PDE4D: variants seen among roughly 807,000 people sequenced by gnomAD.
PDE4D encodes the protein 3',5'-cyclic-AMP phosphodiesterase 4D.
PDE4D carries 24 observed loss-of-function variants against 87.4 expected under a neutral mutation model. That is an observed-to-expected ratio of 0.27 (90% confidence interval 0.20 to 0.39). PDE4D has a LOEUF of 0.39. PDE4D is among the 10% of genes least tolerant of loss of function. The pLI, the probability that PDE4D is intolerant of heterozygous loss-of-function variation, is 1.00. For synonymous variants in PDE4D, 384 were observed against 383.2 expected, an observed-to-expected ratio of 1.00 and a Z score of -0.02; for missense variants, 714 against 1,041.0, an observed-to-expected ratio of 0.69 and a Z score of 4.32.
At chr5:59,377,848 C>T (rs905016184) in intron 1 of PDE4D, among the ~76,000 whole-genome samples, 1 of 151,936 alleles carries the variant, frequency 6.6e-6, no homozygotes. Flanking sequence ...TAAATTAGTT[C>T]AACAATTGTA....
intron 1 of PDE4D, among the ~76,000 whole-genome samples, chr5:59,454,292 C>T (rs2153642211): frequency 6.6e-6 from 1 of 152,330 alleles, no homozygotes; most frequent in Non-Finnish European, 1.5e-5. Context: ...CCACAATTCC[C>T]ACATGTCGTG....
intron 1 of PDE4D, among the ~76,000 whole-genome samples, chr5:60,513,584 T>C (rs1231383699): frequency 2.0e-5 from 3 of 151,976 alleles, no homozygotes; most frequent in African/African-American, 7.2e-5. Context: ...CTTCAACATA[T>C]ATAGAACACA....
At chr5:60,309,208 C>T (rs762856821) in intron 1 of PDE4D, among the ~76,000 whole-genome samples, 4 of 151,612 alleles carry the variant, frequency 2.6e-5, no homozygotes, top group Non-Finnish European at 5.9e-5. Context: ...GAAAGACAGT[C>T]TGGGGACAGG....
intron 1 of PDE4D, among the ~76,000 whole-genome samples, chr5:59,788,617 G>A (rs1232359036): frequency 6.6e-6 from 1 of 152,236 alleles, no homozygotes; most frequent in East Asian, 1.9e-4. Context: ...GCCTTGGGGA[G>A]TCCAGAGAGC....
intron 1 of PDE4D, among the ~76,000 whole-genome samples, chr5:59,406,670 G>A (rs896787663): frequency 3.3e-5 from 5 of 152,104 alleles, no homozygotes; most frequent in African/African-American, 1.2e-4. Context: ...TTACAGGTGT[G>A]AGCCATTGTG....
intron 1 of PDE4D, among the ~76,000 whole-genome samples, chr5:59,420,895 G>T (rs960711165): frequency 6.6e-6 from 1 of 152,022 alleles, no homozygotes; most frequent in Admixed American, 6.6e-5. Flanking sequence ...GGGTAGCAGG[G>T]GGCAGGAGGG....
chr5:59,531,296 C>T (rs546025539), intron 1 of PDE4D, among the ~76,000 whole-genome samples: 1 of 152,302 alleles, frequency 6.6e-6, no homozygotes, highest in East Asian at 1.9e-4. Flanking sequence ...TGAGTCTATG[C>T]AAATGTTAAC....
chr5:60,140,512 A>G (rs986227832), intron 2 of PDE4D, among the ~76,000 whole-genome samples: 30 of 151,326 alleles, frequency 2.0e-4, no homozygotes, highest in Admixed American at 1.2e-3. Flanking sequence ...AACATTTAAA[A>G]GAAAGAAAGA....
intron 1 of PDE4D, among the ~76,000 whole-genome samples, chr5:59,323,791 T>C (rs923046570): frequency 6.6e-6 from 1 of 152,114 alleles, no homozygotes; most frequent in East Asian, 1.9e-4. Context: ...GACATTTTTT[T>C]TTTGAAGTGC....
intron 2 of PDE4D, among the ~76,000 whole-genome samples, chr5:60,040,504 T>G (rs931791978): frequency 6.6e-6 from 1 of 152,206 alleles, no homozygotes; most frequent in Non-Finnish European, 1.5e-5. Flanking sequence ...CACTATAACT[T>G]TCACCAAATG....
At chr5:60,069,654 A>C (rs576343705) in intron 2 of PDE4D, among the ~76,000 whole-genome samples, 2 of 151,414 alleles carry the variant, frequency 1.3e-5, no homozygotes, top group Non-Finnish European at 2.9e-5. Context: ...TTCAAGATTG[A>C]TTTGGTTATT....
chr5:59,112,993 G>T (rs974486433), intron 5 of PDE4D, among the ~76,000 whole-genome samples: 2 of 151,844 alleles, frequency 1.3e-5, no homozygotes, highest in African/African-American at 4.8e-5. Flanking sequence ...TAGCGATGGG[G>T]TTTCTCCATG....
intron 1 of PDE4D, among the ~76,000 whole-genome samples, chr5:60,504,328 T>C (rs973027120): frequency 1.3e-5 from 2 of 151,590 alleles, no homozygotes; most frequent in African/African-American, 2.4e-5. Context: ...TCTCTAGTTC[T>C]TTTAAGGTTT....
intron 1 of PDE4D, among the ~76,000 whole-genome samples, chr5:59,429,702 AG>A (rs1051856177): frequency 6.6e-6 from 1 of 152,106 alleles, no homozygotes; most frequent in Non-Finnish European, 1.5e-5. Context: ...ACCAAAATTG[AG>A]GGGTGACTTT....
At chr5:59,868,412 G>T (rs146615156) in intron 1 of PDE4D, among the ~76,000 whole-genome samples, 51 of 152,076 alleles carry the variant, frequency 3.4e-4, no homozygotes, top group Non-Finnish European at 5.7e-4. Flanking sequence ...GCATCACATT[G>T]TATAGCTTCT....
At chr5:60,441,595 A>C (rs958375279) in intron 1 of PDE4D, among the ~76,000 whole-genome samples, 2 of 152,220 alleles carry the variant, frequency 1.3e-5, no homozygotes, top group African/African-American at 4.8e-5. Context: ...ATGGGATCTA[A>C]TTAAACTAAA....
chr5:59,273,653 T>C (rs1764272617), intron 1 of PDE4D, among the ~76,000 whole-genome samples: 1 of 152,152 alleles, frequency 6.6e-6, no homozygotes. Flanking sequence ...GAGAGATTTA[T>C]TTCTTACACA....
chr5:59,337,326 C>G (rs888939311), intron 1 of PDE4D, among the ~76,000 whole-genome samples: 2 of 141,466 alleles, frequency 1.4e-5, no homozygotes, highest in African/African-American at 5.6e-5. Context: ...CATAAGTTCC[C>G]CCCCCCCCAC....
At chr5:60,349,025 C>A (rs1033860215) in intron 1 of PDE4D, among the ~76,000 whole-genome samples, 2 of 152,088 alleles carry the variant, frequency 1.3e-5, no homozygotes, top group Admixed American at 1.3e-4. Context: ...TAAATTAAAA[C>A]CTAATACCAC....
Sources: gnomAD v4.1 joint callset for allele counts (sites outside exome capture counted in the v4.1 genomes callset) on GRCh38, gnomAD v4.1.1 for gene constraint, MANE v1.5 for transcripts, NCBI Gene and HGNC (gene_info 2026-07-23, HGNC 2026-07-21) for gene names.